CCNYL1: variants seen among roughly 807,000 people sequenced by gnomAD.
CCNYL1 encodes the protein cyclin Y like 1.
CCNYL1 carries 16 observed loss-of-function variants against 44.2 expected under a neutral mutation model. The observed-to-expected ratio is 0.36, with a 90% CI of 0.25 to 0.55. The LOEUF (loss-of-function observed/expected upper bound fraction) is 0.55, where lower values mean the gene tolerates loss of function less well. CCNYL1 is among the 20% of genes least tolerant of loss of function. CCNYL1 has a pLI of 0.85. For synonymous variants in CCNYL1, 159 were observed against 163.2 expected (o/e 0.97, Z 0.20); for missense variants, 348 against 451.8 (o/e 0.77, Z 2.08).
intron 4 of CCNYL1, among the ~76,000 whole-genome samples, chr2:207,736,467 C>G (rs2091765293): frequency 6.6e-6 from 1 of 152,186 alleles, no homozygotes. Context: ...TAATATTTTA[C>G]TTAAACCAAT....
At position 207,743,090 on chromosome 2, in the gene CCNYL1, T is replaced by C. The variant is rs530573822; in HGVS notation, c.639+748T>C. 3.9e-5 allele frequency among the ~76,000 whole-genome samples: 6 copies of C among 152,320 alleles called. No homozygotes were observed. The East Asian group carries it at 9.6e-4, about 24-fold the overall frequency. On this transcript the variant is annotated intron_variant, in intron 7 of 9. Coordinates refer to ENST00000295414, the MANE Select transcript of CCNYL1 (RefSeq NM_001330218.2). The stretch of plus-strand genomic sequence containing the variant: ...AAAGAATACTTAGGTCAGTACCTAC[T>C]CCTTTAGCATCCAATTGGAATTTAG...
chr2:207,712,010 G>A lies in CCNYL1; in HGVS notation c.114G>A (p.Gly38=), dbSNP rs917987678. The A allele has an allele frequency of 4.0e-6, 6 of 1,482,768 alleles. No homozygotes were observed. Among genetic ancestry groups the A allele is most frequent in the Non-Finnish European group, 4.5e-6 (5 of 1,115,916 alleles). The allele number at this position is 1,482,768 out of a possible 1,614,324, so 91.9% of individuals were successfully genotyped here. A position where few individuals can be genotyped will look rare whatever the true frequency, so the allele number is the denominator to read the frequency against. ...CCGACATCTACGAGGCGGTGTCCGG[G>A]GACGCGGTGGCGGTAGCGCCCGCTG... is the stretch of plus-strand genomic sequence containing the variant. ...CASDIYEAVS[G]DAVAVAPAVV... Residue 38 remains glycine (G), a synonymous_variant, in exon 1 of 10, where the codon GGG becomes GGA. Transcript: ENST00000295414.
rs527380789 is a variant in CCNYL1 at position 207,738,377 on chromosome 2, C to A, written c.467+931C>A. Among the ~76,000 whole-genome samples the A allele has an allele frequency of 6.6e-5, 10 of 152,104 alleles. No homozygotes were observed. In the South Asian group the frequency reaches 2.1e-3, roughly 32 times the overall value. On this transcript the variant is annotated intron_variant, in intron 5 of 9. Transcript: ENST00000295414. ...GTGGGGTTACAGGCGCATGCCACCA[C>A]GCCTGGCTAATTTTTGTATTTTTAG...
At chr2:207,732,542 A>G (rs1297779423) in intron 3 of CCNYL1, among the ~76,000 whole-genome samples, 5 of 152,192 alleles carry the variant, frequency 3.3e-5, no homozygotes, top group Non-Finnish European at 7.3e-5. Flanking sequence ...GAGTGTGACA[A>G]CATGGTAAAA....
At chr2:207,729,082 C>T (rs2091701514) in intron 3 of CCNYL1, among the ~76,000 whole-genome samples, 1 of 152,142 alleles carries the variant, frequency 6.6e-6, no homozygotes, top group Non-Finnish European at 1.5e-5. Context: ...CAGGCATGAG[C>T]CACCGCACCC....
At chr2:207,742,404 CTATTTTTCAAA>C (rs1191349895) in intron 7 of CCNYL1, 62 bp downstream of exon 7, 1 of 1,423,634 alleles carries the variant, frequency 7.0e-7, no homozygotes, top group Non-Finnish European at 9.4e-7. Context: ...GGGTATGGTC[CTATTTTTCAAA>C]TAAAAATAGG....
intron 8 of CCNYL1, among the ~76,000 whole-genome samples, chr2:207,749,243 A>G (rs1179441829): frequency 6.6e-6 from 1 of 152,250 alleles, no homozygotes; most frequent in Non-Finnish European, 1.5e-5. Context: ...ATCTTTGGAA[A>G]GCATTTCAAC....
At chr2:207,725,683 T>C (rs780569506) in intron 2 of CCNYL1, among the ~76,000 whole-genome samples, 4 of 152,222 alleles carry the variant, frequency 2.6e-5, no homozygotes, top group Non-Finnish European at 5.9e-5. Flanking sequence ...CCTAATGTAG[T>C]GTAAATATAA....
At chr2:207,737,590 C>A in intron 5 of CCNYL1, 144 bp downstream of exon 5, 1 of 562,090 alleles carries the variant, frequency 1.8e-6, no homozygotes, top group South Asian at 3.5e-5. Context: ...TTTTTCTGGT[C>A]CCCAAGATGG....
intron 9 of CCNYL1, among the ~76,000 whole-genome samples, chr2:207,752,009 T>C (rs994499272): frequency 1.4e-4 from 22 of 152,012 alleles, no homozygotes; most frequent in Non-Finnish European, 2.5e-4. Flanking sequence ...CACTCTAGCC[T>C]AGGTGACGGA....
intron 1 of CCNYL1, among the ~76,000 whole-genome samples, chr2:207,723,431 G>A (rs2091655990): frequency 6.6e-6 from 1 of 152,072 alleles, no homozygotes; most frequent in Admixed American, 6.6e-5. Context: ...TAAGAGCCAG[G>A]GATAGAGTAT....
At chr2:207,746,209 C>A (rs1458157053) in intron 7 of CCNYL1, among the ~76,000 whole-genome samples, 1 of 152,168 alleles carries the variant, frequency 6.6e-6, no homozygotes, top group Admixed American at 6.5e-5. Context: ...AGCCTAAAGA[C>A]CTGTCATGCT....
chr2:207,726,355 A>T (rs987464669), intron 2 of CCNYL1, among the ~76,000 whole-genome samples: 3 of 152,228 alleles, frequency 2.0e-5, no homozygotes, highest in Non-Finnish European at 2.9e-5. Context: ...TTTCAGTAAC[A>T]TACTAGTAGA....
intron 5 of CCNYL1, 139 bp downstream of exon 5, chr2:207,737,585 C>A: frequency 1.7e-6 from 1 of 586,218 alleles, no homozygotes; most frequent in South Asian, 3.4e-5. Context: ...TGTGGTTTTT[C>A]TGGTCCCCAA....
At chr2:207,747,849 C>T (rs909666931) in intron 8 of CCNYL1, among the ~76,000 whole-genome samples, 5 of 152,248 alleles carry the variant, frequency 3.3e-5, no homozygotes, top group African/African-American at 4.8e-5. Context: ...TGAACCACTA[C>T]GCCTGGCCTC....
At position 207,742,276 on chromosome 2, in the gene CCNYL1, T is replaced by C. The variant is rs774067777; in HGVS notation, c.573T>C (p.Ile191=). The C allele has an allele frequency of 1.2e-6, 2 of 1,612,746 alleles. No individual in the cohort carries two copies. The highest frequency in any genetic ancestry group is 2.2e-5 in the South Asian group (2 of 91,014). ...YFKHDPEHKF[I]YRFVRTLFSA... ...AGCATGATCCTGAGCACAAATTTATTTACAGATTTGTTCGTACTCTTTTTA... is the reference window on the plus strand; with the variant it reads ...AGCATGATCCTGAGCACAAATTTATCTACAGATTTGTTCGTACTCTTTTTA... Residue 191 remains isoleucine (I), a synonymous_variant, in exon 7 of 10, where the codon ATT becomes ATC. Coordinates refer to ENST00000295414, the MANE Select transcript of CCNYL1 (RefSeq NM_001330218.2).
intron 8 of CCNYL1, among the ~76,000 whole-genome samples, chr2:207,747,944 C>T (rs2091865789): frequency 6.6e-6 from 1 of 152,100 alleles, no homozygotes; most frequent in Admixed American, 6.6e-5. Flanking sequence ...TATATCTTTT[C>T]ATGTGACCAG....
chr2:207,719,556 C>T (rs2091623589), intron 1 of CCNYL1, among the ~76,000 whole-genome samples: 1 of 152,188 alleles, frequency 6.6e-6, no homozygotes, highest in Non-Finnish European at 1.5e-5. Context: ...CCACCTCAGC[C>T]TCCCAAAATG....
chr2:207,752,307 C>T (rs533481555), intron 9 of CCNYL1, among the ~76,000 whole-genome samples: 3 of 152,066 alleles, frequency 2.0e-5, no homozygotes, highest in South Asian at 2.1e-4. Flanking sequence ...TTTGGGAGGC[C>T]GAGGCAGGTG....
Sources: gnomAD v4.1 joint callset for allele counts (sites outside exome capture counted in the v4.1 genomes callset) on GRCh38, gnomAD v4.1.1 for gene constraint, MANE v1.5 for transcripts, NCBI Gene and HGNC (gene_info 2026-07-23, HGNC 2026-07-21) for gene names.